Variants in ILDR2 observed in about 807,000 individuals in gnomAD.
The protein encoded by ILDR2 is immunoglobulin-like domain-containing receptor 2.
Under a neutral mutation model 66.8 loss-of-function variants are expected in ILDR2, and 25 were observed. That is an observed-to-expected ratio of 0.37 (90% confidence interval 0.27 to 0.52). ILDR2 has a LOEUF of 0.52. Among genes scored for constraint, ILDR2 ranks in the 20% least tolerant of loss-of-function variants. The pLI is 0.88. For synonymous variants in ILDR2, 367 were observed against 357.2 expected (o/e 1.03, Z -0.31); for missense variants, 827 against 876.8 (o/e 0.94, Z 0.72).
chr1:166,953,891 A>T (rs1210487437), intron 3 of ILDR2, among the ~76,000 whole-genome samples: 1 of 152,216 alleles, frequency 6.6e-6, no homozygotes, highest in Non-Finnish European at 1.5e-5. Flanking sequence ...GAGAATACTT[A>T]TTCCATCTTT....
At chr1:166,974,546 AG>A (rs1368612990) in intron 1 of ILDR2, among the ~76,000 whole-genome samples, 2 of 152,216 alleles carry the variant, frequency 1.3e-5, no homozygotes, top group African/African-American at 4.8e-5. Flanking sequence ...ATTATCTTTT[AG>A]GGAGCGGAGA....
intron 7 of ILDR2, among the ~76,000 whole-genome samples, chr1:166,923,010 T>C (rs116752632): frequency 0.015 from 2,335 of 152,262 alleles, 32 homozygotes; most frequent in Non-Finnish European, 0.024. Flanking sequence ...CCTACTTGCT[T>C]ACAGAGAGGG....
intron 3 of ILDR2, among the ~76,000 whole-genome samples, chr1:166,941,695 A>C (rs1202586069): frequency 1.3e-5 from 2 of 152,184 alleles, no homozygotes; most frequent in Non-Finnish European, 1.5e-5. Flanking sequence ...CATAATTAGC[A>C]CTTGTAAATA....
At position 166,910,266 on chromosome 1, in the gene ILDR2, C is replaced by G. The variant is rs1437545514; in HGVS notation, c.*9089G>C. On this transcript the variant is annotated 3_prime_UTR_variant, in exon 10 of 10. Transcript: ENST00000271417. Reference sequence around the variant, plus strand: ...CATGCACCTAAATCCCACTTGATCCCAAGCAAAAACCTCATGGTTTTCCCC... The same window carrying G: ...CATGCACCTAAATCCCACTTGATCCGAAGCAAAAACCTCATGGTTTTCCCC... The G allele has an allele frequency of 2.0e-5, 3 of 152,116 alleles. No homozygotes were observed. The highest frequency in any genetic ancestry group is 7.2e-5 in the African/African-American group (3 of 41,444). The allele number at this position is 152,116 out of a possible 1,614,324, so 9.4% of individuals were successfully genotyped here.
chr1:166,924,016 C>A (rs1228405070), intron 7 of ILDR2, among the ~76,000 whole-genome samples: 3 of 128,016 alleles, frequency 2.3e-5, no homozygotes, highest in African/African-American at 9.1e-5. Context: ...CCTTGCTATC[C>A]CCAAGAGTCC....
downstream of ILDR2, among the ~76,000 whole-genome samples, chr1:166,906,805 T>C (rs1189446172): frequency 6.6e-6 from 1 of 152,244 alleles, no homozygotes; most frequent in Non-Finnish European, 1.5e-5. Flanking sequence ...TGAGAGTCCT[T>C]ATCAAGATAT....
chr1:166,902,568 T>C (rs1659281436), intron 2 of ILDR2, among the ~76,000 whole-genome samples: 6 of 152,254 alleles, frequency 3.9e-5, no homozygotes, highest in Admixed American at 3.3e-4. Flanking sequence ...TCTTCCTTGT[T>C]GGAGGTGAGT....
intron 6 of ILDR2, 32 bp downstream of exon 6, chr1:166,935,269 G>A: frequency 6.2e-7 from 1 of 1,610,574 alleles, no homozygotes. Flanking sequence ...CCCGAGACAA[G>A]CATGGGCAGG....
intron 3 of ILDR2, among the ~76,000 whole-genome samples, chr1:166,953,255 G>A (rs898352335): frequency 6.6e-6 from 1 of 152,172 alleles, no homozygotes; most frequent in Non-Finnish European, 1.5e-5. Flanking sequence ...CTGACCCTAA[G>A]ATCTAATCCG....
intron 6 of ILDR2, among the ~76,000 whole-genome samples, chr1:166,934,370 A>G (rs1660817495): frequency 1.3e-5 from 2 of 152,122 alleles, no homozygotes; most frequent in South Asian, 2.1e-4. Flanking sequence ...TCATTCCGCA[A>G]TATCTCATTA....
chr1:166,922,513 A>G, intron 8 of ILDR2, 80 bp downstream of exon 8: 1 of 1,100,950 alleles, frequency 9.1e-7, no homozygotes, highest in South Asian at 1.3e-5. Context: ...ACTGGATGGC[A>G]TCTTCCTTGC....
chr1:166,903,049 G>A (rs1465444736), intron 2 of ILDR2, among the ~76,000 whole-genome samples: 8 of 152,046 alleles, frequency 5.3e-5, no homozygotes, highest in Non-Finnish European at 1.0e-4. Flanking sequence ...ATCTGCATTC[G>A]CCCTCCAACT....
Position 166,910,696 on chromosome 1 carries a change from A to G in ILDR2, c.*8659T>C, listed in dbSNP as rs1659454582. Reference sequence around the variant, plus strand: ...AAATGCTTATAACCAATTCAGCAGAAAATATAATTTTCACCTAAGTGGTGT... The same window carrying G: ...AAATGCTTATAACCAATTCAGCAGAGAATATAATTTTCACCTAAGTGGTGT... On this transcript the variant is annotated 3_prime_UTR_variant, in exon 10 of 10. Coordinates refer to ENST00000271417, the MANE Select transcript of ILDR2 (RefSeq NM_199351.3). The G allele has an allele frequency of 1.3e-5, 2 of 152,254 alleles. No homozygotes were observed. Among genetic ancestry groups the G allele is most frequent in the African/African-American group, 4.8e-5 (2 of 41,462 alleles). The allele number at this position is 152,254 out of a possible 1,614,324, so 9.4% of individuals were successfully genotyped here. A position where few individuals can be genotyped will look rare whatever the true frequency, so the allele number is the denominator to read the frequency against.
rs561153970 is a variant in ILDR2 at position 166,958,316 on chromosome 1, A to G, written c.47-215T>C. The stretch of plus-strand genomic sequence containing the variant: ...ATTTGTGTCCCTGCCCAAATCTCAC[A>G]TCAAATTGGAAGAGTGGCCTGATGG... On this transcript the variant is annotated intron_variant, in intron 1 of 9. Coordinates refer to ENST00000271417, the MANE Select transcript of ILDR2 (RefSeq NM_199351.3). Among the ~76,000 whole-genome samples the G allele has an allele frequency of 3.3e-5, 5 of 152,238 alleles. No homozygotes were observed. The South Asian group carries it at 1.0e-3, about 32-fold the overall frequency.
chr1:166,964,168 C>T (rs1331241727), intron 1 of ILDR2, among the ~76,000 whole-genome samples: 1 of 151,854 alleles, frequency 6.6e-6, no homozygotes, highest in African/African-American at 2.4e-5. Context: ...AAGAATTCCT[C>T]ACTAAAAGAA....
intron 1 of ILDR2, among the ~76,000 whole-genome samples, chr1:166,973,612 T>TCCCCCCCCCCCCCCCCCCCCC (rs59745587): frequency 1.5e-5 from 1 of 64,958 alleles, no homozygotes; most frequent in Non-Finnish European, 3.0e-5. Context: ...CAGGGACCCC[T>TCCCCCCCCCCCCCCCCCCCCC]CCCCCCCCCC....
chr1:166,958,916 A>G (rs1261440420), intron 1 of ILDR2, among the ~76,000 whole-genome samples: 2 of 152,158 alleles, frequency 1.3e-5, no homozygotes, highest in African/African-American at 4.8e-5. Flanking sequence ...CTCATCCTCC[A>G]TAGCCCTCAG....
chr1:166,898,035 T>C (rs1347524454), intron 2 of ILDR2, among the ~76,000 whole-genome samples: 1 of 152,200 alleles, frequency 6.6e-6, no homozygotes, highest in Non-Finnish European at 1.5e-5. Context: ...GAACTCATTC[T>C]GGGTAGCTAG....
intron 6 of ILDR2, 27 bp downstream of exon 6, chr1:166,935,274 G>A (rs1660878688): frequency 6.2e-7 from 1 of 1,613,300 alleles, no homozygotes; most frequent in Non-Finnish European, 8.5e-7. Flanking sequence ...GACAAGCATG[G>A]GCAGGGCAGT....
Sources: allele counts gnomAD v4.1 joint callset (sites outside exome capture counted in the v4.1 genomes callset), GRCh38; gene constraint gnomAD v4.1.1; transcripts MANE v1.5; gene names NCBI Gene and HGNC (gene_info 2026-07-23, HGNC 2026-07-21).